Variants in PZP observed in about 807,000 individuals in gnomAD.
PZP encodes the protein pregnancy zone protein.
In PZP, 150 loss-of-function variants were observed where a neutral mutation model predicts 179.8. The observed-to-expected ratio is 0.83, with a 90% confidence interval of 0.73 to 0.96. The LOEUF (loss-of-function observed/expected upper bound fraction) is 0.96. PZP is among the 40% of genes least tolerant of loss of function. PZP has a pLI of 0.00. For missense variants in PZP, 1,689 were observed against 1,764.0 expected (o/e 0.96, Z 0.76); for synonymous variants, 624 against 652.3 (o/e 0.96, Z 0.66).
At chr12:9,181,869 G>A (rs1942782285) in intron 14 of PZP, 106 bp downstream of exon 14, 2 of 1,261,304 alleles carry the variant, frequency 1.6e-6, no homozygotes, top group South Asian at 1.6e-5. Flanking sequence ...GGAACTGTTG[G>A]GCAACTCATT....
chr12:9,160,053 T>C (rs761590752), intron 24 of PZP, 28 bp from the exon 25 acceptor site: 1 of 1,591,676 alleles, frequency 6.3e-7, no homozygotes, highest in African/African-American at 1.3e-5. Context: ...AGATTGTTCA[T>C]GAAGCATTAA....
At chr12:9,158,706 A>G in intron 25 of PZP, 130 bp from the exon 26 acceptor site, 1 of 818,764 alleles carries the variant, frequency 1.2e-6, no homozygotes, top group Non-Finnish European at 1.7e-6. Flanking sequence ...GAGAGTTTGG[A>G]GACTTTTTCT....
chr12:9,144,256 T>C (rs112513181), downstream of PZP, among the ~76,000 whole-genome samples: 9 of 152,116 alleles, frequency 5.9e-5, no homozygotes, highest in African/African-American at 2.2e-4. Flanking sequence ...GAGAGCAAAA[T>C]ACCCACTGTG....
chr12:9,151,546 A>G, intron 33 of PZP, 58 bp downstream of exon 33: 1 of 1,381,022 alleles, frequency 7.2e-7, no homozygotes, highest in South Asian at 1.2e-5. Flanking sequence ...TCTAGTAAAG[A>G]GACTCACTTA....
intron 20 of PZP, 104 bp from the exon 21 acceptor site, chr12:9,163,893 TAA>T: frequency 7.3e-7 from 1 of 1,373,624 alleles, no homozygotes; most frequent in Non-Finnish European, 9.8e-7. Flanking sequence ...AAAATAAGGC[TAA>T]AAAAAAAGAA....
rs74060495 is a variant in PZP at position 9,165,692 on chromosome 12, A to T, written c.2259-325T>A. ...CCATAAATAAGCATTTTTAAGAATCATGACCAACAATTAGACCACTGGATT... is the reference window on the plus strand; with the variant it reads ...CCATAAATAAGCATTTTTAAGAATCTTGACCAACAATTAGACCACTGGATT... On this transcript the variant is annotated intron_variant, in intron 18 of 35. Transcript: ENST00000261336. Among the ~76,000 whole-genome samples the T allele has an allele frequency of 4.9e-3, 749 of 152,328 alleles. 4 individuals are homozygous for T. Among genetic ancestry groups the T allele is most frequent in the African/African-American group, 0.017 (694 of 41,566 alleles).
chr12:9,158,690 G>T, intron 25 of PZP, 114 bp from the exon 26 acceptor site: 2 of 948,596 alleles, frequency 2.1e-6, no homozygotes, highest in Non-Finnish European at 2.9e-6. Context: ...TCAATCAGCT[G>T]TTACTGAGAG....
At chr12:9,182,453 A>G (rs1288109285) in intron 13 of PZP, among the ~76,000 whole-genome samples, 4 of 152,178 alleles carry the variant, frequency 2.6e-5, no homozygotes, top group Non-Finnish European at 4.4e-5. Flanking sequence ...TTTACATTTC[A>G]GACTAGAGGT....
intron 13 of PZP, 74 bp from the exon 14 acceptor site, chr12:9,182,191 C>G: frequency 3.3e-6 from 1 of 304,256 alleles, no homozygotes; most frequent in Non-Finnish European, 5.2e-6. Context: ...GTCATAAGGA[C>G]ACTATTGCTT....
At position 9,194,228 on chromosome 12, in the gene PZP, A is replaced by C; in HGVS notation, c.1103T>G (p.Val368Gly). The C allele has an allele frequency of 6.2e-7, 1 of 1,613,910 alleles. No individual in the cohort carries two copies. The highest frequency in any genetic ancestry group is 1.3e-5 in the African/African-American group (1 of 75,030). Residue 368 changes from valine to glycine, a missense_variant, in exon 11 of 36, where the codon GTG becomes GGG. By Grantham distance (109) the Val-to-Gly change is moderately radical. Around this residue, in one of 3 missense-constraint regions of PZP, gnomAD observed 742 missense variants for 730.5 expected, o/e 1.02. Coordinates refer to ENST00000261336, the MANE Select transcript of PZP (RefSeq NM_002864.3). ...GGGGATGGGCACACCTTTTCCATCC[A>C]CCAGAAGCACCTAAAGAAGAAAAGT... ...GIPFFAQVLL[V>G]DGKGVPIPNK...
chr12:9,207,691 A>G (rs1278544067), intron 1 of PZP, among the ~76,000 whole-genome samples: 1 of 152,202 alleles, frequency 6.6e-6, no homozygotes, highest in Non-Finnish European at 1.5e-5. Flanking sequence ...AGTTTTCTCT[A>G]TTAGGAGTTA....
chr12:9,185,522 C>T (rs1430444240), intron 13 of PZP, among the ~76,000 whole-genome samples: 1 of 152,154 alleles, frequency 6.6e-6, no homozygotes, highest in Non-Finnish European at 1.5e-5. Flanking sequence ...TTTAGGATAT[C>T]ATCCATGAGA....
Position 9,202,686 on chromosome 12 carries a change from T to C in PZP, c.268-2A>G. The C allele has an allele frequency of 6.2e-7, 1 of 1,612,452 alleles. No homozygotes were observed. The highest frequency in any genetic ancestry group is 8.5e-7 in the Non-Finnish European group (1 of 1,179,416). On this transcript the variant is annotated splice_acceptor_variant, in intron 2 of 35. Transcript: ENST00000261336. LOFTEE classifies it high-confidence loss of function. ...TGAAGAGGCTGAGATCCTTGGGAGC[T>C]AAAAAGCAAAGGATTTTTTACTACT...
chr12:9,194,281 A>G, intron 10 of PZP, 43 bp from the exon 11 acceptor site: 1 of 1,590,168 alleles, frequency 6.3e-7, no homozygotes, highest in Non-Finnish European at 8.6e-7. Context: ...AACAACACCC[A>G]GAGAGGACTG....
intron 5 of PZP, 56 bp downstream of exon 5, chr12:9,201,271 C>A (rs1471258874): frequency 4.9e-6 from 7 of 1,432,862 alleles, no homozygotes; most frequent in Non-Finnish European, 6.8e-6. Flanking sequence ...ATTATCAGAA[C>A]CTCCTACTCT....
At chr12:9,181,909 G>T in intron 14 of PZP, 66 bp downstream of exon 14, 1 of 1,533,172 alleles carries the variant, frequency 6.5e-7, no homozygotes, top group Non-Finnish European at 8.9e-7. Context: ...TTTCTCTGGG[G>T]TAAAATAGAT....
chr12:9,150,993 T>C (rs757067092), intron 33 of PZP, among the ~76,000 whole-genome samples: 2 of 152,310 alleles, frequency 1.3e-5, no homozygotes, highest in African/African-American at 4.8e-5. Flanking sequence ...TGTTATGAGA[T>C]TAACTCTCTG....
In PZP at chr12:9,154,761, G is replaced by A. The variant is rs758662526; in HGVS notation, c.3629C>T (p.Ala1210Val). Reference sequence around the variant, plus strand: ...CACATAGGATGTCATCTCCACCTCAGCAGAGGGAGCCTGGGTTTGGTAAAG... The same window carrying A: ...CACATAGGATGTCATCTCCACCTCAACAGAGGGAGCCTGGGTTTGGTAAAG... Reference protein sequence around the residue: ...GHLYQTQAPSAEVEMTSYVLL... With the variant: ...GHLYQTQAPSVEVEMTSYVLL... Residue 1210 changes from alanine (A) to valine (V), a missense_variant, in exon 29 of 36, where the codon GCT becomes GTT. Around this residue, in one of 3 missense-constraint regions of PZP, gnomAD observed 746 missense variants for 749.2 expected, o/e 1.00. Transcript: ENST00000261336. 32 of 1,614,026 alleles carry A rather than the reference G, an allele frequency of 2.0e-5. No individual in the cohort carries two copies. The South Asian group carries it at 3.5e-4, about 18-fold the overall frequency.
chr12:9,154,834 G>C lies in PZP; in HGVS notation c.3556C>G (p.Leu1186Val), dbSNP rs149173790. ...CTCTGAGGGCGCTCCCAATGGACGA[G>C]GTTGTCTTAAGGGTGAGAAAAAGGA... ...LDKEAVKEDN[L>V]VHWERPQRPK... Residue 1186 changes from leucine to valine, a missense_variant, in exon 29 of 36, where the codon CTC becomes GTC. By Grantham distance (32) the Leu-to-Val change is conservative. This residue lies in a region of PZP where 746 missense variants were observed against 749.2 expected (regional missense o/e 1.00). Coordinates refer to ENST00000261336, the MANE Select transcript of PZP (RefSeq NM_002864.3). 3 of 1,613,704 alleles carry C rather than the reference G, an allele frequency of 1.9e-6. No homozygotes were observed. The South Asian group carries it at 3.3e-5, about 18-fold the overall frequency.
Sources: allele counts gnomAD v4.1 joint callset (sites outside exome capture counted in the v4.1 genomes callset), GRCh38; gene constraint gnomAD v4.1.1; regional missense constraint gnomAD v4.1.1; transcripts MANE v1.5; gene names NCBI Gene and HGNC (gene_info 2026-07-23, HGNC 2026-07-21).